The following MARCHF1 variants were observed in gnomAD, a reference collection of about 807,000 sequenced individuals.
The protein encoded by MARCHF1 is membrane associated ring-CH-type finger 1.
In MARCHF1, 40 loss-of-function variants were observed where a neutral mutation model predicts 54.2. That is an observed-to-expected ratio of 0.74 (90% CI 0.57 to 0.96). The LOEUF (loss-of-function observed/expected upper bound fraction) is 0.96. Among genes scored for constraint, MARCHF1 ranks in the 40% least tolerant of loss-of-function variants. The pLI, the probability that MARCHF1 is intolerant of heterozygous loss-of-function variation, is 0.00. For missense variants in MARCHF1, 586 were observed against 656.5 expected (o/e 0.89, Z 1.17); for synonymous variants, 236 against 236.3 (o/e 1.00, Z 0.01).
intron 3 of MARCHF1, among the ~76,000 whole-genome samples, chr4:163,874,319 C>T (rs1750242637): frequency 1.3e-5 from 2 of 152,166 alleles, no homozygotes; most frequent in Non-Finnish European, 1.5e-5. Flanking sequence ...TGGAGAAGAA[C>T]TGGAATATAT....
chr4:163,817,012 C>A (rs944146763), intron 4 of MARCHF1, among the ~76,000 whole-genome samples: 9 of 152,062 alleles, frequency 5.9e-5, no homozygotes, highest in African/African-American at 2.2e-4. Flanking sequence ...TGGACTCTGT[C>A]TCTGCTCTTT....
chr4:164,072,723 A>C (rs912012787), intron 2 of MARCHF1, among the ~76,000 whole-genome samples: 2 of 132,144 alleles, frequency 1.5e-5, no homozygotes, highest in Non-Finnish European at 3.3e-5. Context: ...AAAAAAAAAA[A>C]AACTTCATTA....
At chr4:164,205,501 C>T (rs1417934899) in intron 1 of MARCHF1, among the ~76,000 whole-genome samples, 1 of 152,168 alleles carries the variant, frequency 6.6e-6, no homozygotes, top group African/African-American at 2.4e-5. Flanking sequence ...CAGGCATGTC[C>T]ATCATCCTCA....
At chr4:164,191,762 C>A (rs977434008) in intron 1 of MARCHF1, among the ~76,000 whole-genome samples, 3 of 152,148 alleles carry the variant, frequency 2.0e-5, no homozygotes, top group Non-Finnish European at 2.9e-5. Flanking sequence ...TTACTTGTCC[C>A]ATTTTTAAAT....
intron 1 of MARCHF1, among the ~76,000 whole-genome samples, chr4:164,235,233 C>G (rs1732515240): frequency 6.6e-6 from 1 of 152,116 alleles, no homozygotes. Flanking sequence ...GAATAGTCCC[C>G]ATTTCCCTGT....
chr4:164,027,434 C>G (rs1436362941), intron 2 of MARCHF1, among the ~76,000 whole-genome samples: 1 of 122,960 alleles, frequency 8.1e-6, no homozygotes, highest in African/African-American at 3.0e-5. Flanking sequence ...GTAGAAAACC[C>G]AGAAATAATC....
Position 163,612,858 on chromosome 4 carries a change from AT to A in MARCHF1, c.422del (p.Asn141MetfsTer58), listed in dbSNP as rs1309129656. ...GGCTTGAGATTTGAAGGTGAAAGTCATTTTTTCTCCCTCTTATTTGTTCTTC... is the reference window on the plus strand; with the variant it reads ...GGCTTGAGATTTGAAGGTGAAAGTCATTTTTCTCCCTCTTATTTGTTCTTC... ...AAEEQIRGRK[N>X]DFHLQISSPR... On this transcript the variant is annotated frameshift_variant, in exon 7 of 10. Transcript: ENST00000514618. LOFTEE classifies it high-confidence loss of function. The A allele has an allele frequency of 2.0e-6, 3 of 1,535,276 alleles. No homozygotes were observed. The highest frequency in any genetic ancestry group is 2.4e-5 in the South Asian group (2 of 84,012).
At chr4:163,854,537 T>C (rs1579342133) in intron 3 of MARCHF1, among the ~76,000 whole-genome samples, 1 of 152,316 alleles carries the variant, frequency 6.6e-6, no homozygotes, top group East Asian at 1.9e-4. Context: ...AATATCTACA[T>C]ATTTCAATGA....
In MARCHF1 at chr4:163,939,073, A is replaced by T. The variant is rs147605131; in HGVS notation, c.-39+49428T>A. On this transcript the variant is annotated intron_variant, in intron 3 of 9. Transcript: ENST00000514618. ...TGTTACTAACCCTCTGGTAAATTACACTGATCATATTTGCTAGTAGGTAGA... is the reference window on the plus strand; with the variant it reads ...TGTTACTAACCCTCTGGTAAATTACTCTGATCATATTTGCTAGTAGGTAGA... Among the ~76,000 whole-genome samples the T allele has an allele frequency of 2.0e-5, 3 of 152,258 alleles. 1 individual carries two copies. The East Asian group carries it at 5.8e-4, about 29-fold the overall frequency.
chr4:164,360,970 T>C (rs1049051865), intron 1 of MARCHF1, among the ~76,000 whole-genome samples: 4 of 151,318 alleles, frequency 2.6e-5, no homozygotes, highest in African/African-American at 9.7e-5. Context: ...TGCAGAATTT[T>C]AAAATTACAT....
At chr4:164,379,594 C>A (rs1280885132) in intron 1 of MARCHF1, among the ~76,000 whole-genome samples, 2 of 152,052 alleles carry the variant, frequency 1.3e-5, no homozygotes, top group African/African-American at 4.8e-5. Context: ...AAAATAATGG[C>A]AAATGAAAAA....
intron 3 of MARCHF1, among the ~76,000 whole-genome samples, chr4:163,983,712 C>A (rs1282692637): frequency 6.6e-6 from 1 of 152,132 alleles, no homozygotes; most frequent in Non-Finnish European, 1.5e-5. Context: ...TTGGCAAACT[C>A]TTTATTCTCT....
chr4:163,902,551 T>C (rs983848904), intron 3 of MARCHF1, among the ~76,000 whole-genome samples: 1 of 152,124 alleles, frequency 6.6e-6, no homozygotes, highest in Non-Finnish European at 1.5e-5. Flanking sequence ...AAACCACCTA[T>C]TGCATCTTTA....
chr4:163,637,222 C>A (rs1365004006), intron 5 of MARCHF1, among the ~76,000 whole-genome samples: 2 of 152,050 alleles, frequency 1.3e-5, no homozygotes, highest in Non-Finnish European at 2.9e-5. Context: ...AAAGCAATGG[C>A]AACAAAAGCC....
At chr4:163,671,758 C>T (rs951849726) in intron 5 of MARCHF1, among the ~76,000 whole-genome samples, 1 of 152,074 alleles carries the variant, frequency 6.6e-6, no homozygotes, top group African/African-American at 2.4e-5. Context: ...CAGGTCATGG[C>T]ATAATTTTAT....
At chr4:163,562,435 C>T (rs539964692) in intron 8 of MARCHF1, among the ~76,000 whole-genome samples, 6 of 152,302 alleles carry the variant, frequency 3.9e-5, no homozygotes, top group African/African-American at 9.6e-5. Flanking sequence ...TGACTATTCC[C>T]GTGTTTTTTA....
chr4:163,632,375 G>C (rs1373782157), intron 5 of MARCHF1, among the ~76,000 whole-genome samples: 1 of 152,190 alleles, frequency 6.6e-6, no homozygotes, highest in African/African-American at 2.4e-5. Context: ...GTGGGCGCAG[G>C]TCAGTGGGTG....
chr4:164,351,446 C>T (rs932065856), intron 1 of MARCHF1, among the ~76,000 whole-genome samples: 2 of 150,736 alleles, frequency 1.3e-5, no homozygotes, highest in African/African-American at 4.9e-5. Context: ...TCAAGTGGGT[C>T]CCTGACCCCT....
At chr4:163,928,755 C>T (rs183096451) in intron 3 of MARCHF1, among the ~76,000 whole-genome samples, 354 of 152,004 alleles carry the variant, frequency 2.3e-3, no homozygotes, top group Non-Finnish European at 4.2e-3. Flanking sequence ...GAAAATTGGA[C>T]ATGCTGAGAG....
Sources: gnomAD v4.1 joint callset for allele counts (sites outside exome capture counted in the v4.1 genomes callset) on GRCh38, gnomAD v4.1.1 for gene constraint, MANE v1.5 for transcripts, NCBI Gene and HGNC (gene_info 2026-07-23, HGNC 2026-07-21) for gene names.